Variants in RFTN1 observed in about 807,000 individuals in gnomAD.
RFTN1 encodes raftlin.
A neutral mutation model predicts 46.5 loss-of-function variants in RFTN1; 26 were observed. The ratio of observed to expected loss-of-function variants is 0.56; its 90% confidence interval spans 0.41 to 0.78. The LOEUF is 0.78. Ranked by LOEUF, RFTN1 falls within the 30% of genes least tolerant of loss-of-function variation. RFTN1 has a pLI of 0.00. For missense variants in RFTN1, 693 were observed against 718.7 expected (o/e 0.96, Z 0.41); for synonymous variants, 261 against 284.2 (o/e 0.92, Z 0.82).
At chr3:16,347,229 G>A (rs2071784882) in intron 7 of RFTN1, among the ~76,000 whole-genome samples, 2 of 152,162 alleles carry the variant, frequency 1.3e-5, no homozygotes, top group South Asian at 2.1e-4. Context: ...CTTTTCACAT[G>A]CAAACATACT....
rs1244055833 is a variant in RFTN1, at chr3:16,457,859, T to G, written c.146-23822A>C. Among the ~76,000 whole-genome samples the G allele has an allele frequency of 6.6e-6, 1 of 152,006 alleles. No individual in the cohort carries two copies. Among genetic ancestry groups the G allele is most frequent in the Non-Finnish European group, 1.5e-5 (1 of 67,994 alleles). On this transcript the variant is annotated intron_variant, in intron 2 of 9. Transcript: ENST00000334133. This position sits in a 1 kb window ranked among gnomAD's most constrained non-coding sequence, Gnocchi z 4.2. ...AAGGGAGGTGAGTCCTTTTGAGAGG[T>G]GCTTAGGTCATGAGGGCTCAGCCCT... is the stretch of plus-strand genomic sequence containing the variant.
At position 16,342,140 on chromosome 3, in the gene RFTN1, T is replaced by G. The variant is rs1436216937; in HGVS notation, c.1147-15264A>C. 6.6e-6 allele frequency among the ~76,000 whole-genome samples: 1 copy of G among 152,174 alleles called. No individual in the cohort carries two copies. Among genetic ancestry groups the G allele is most frequent in the Non-Finnish European group, 1.5e-5 (1 of 68,028 alleles). ...TATACAACCATCACCACAATCTAAG[T>G]TTAGACCACTTTCATCACCCCCCAC... On this transcript the variant is annotated intron_variant, in intron 7 of 9. Coordinates refer to ENST00000334133, the MANE Select transcript of RFTN1 (RefSeq NM_015150.2). The surrounding 1 kb of genome is among the most constrained non-coding windows in gnomAD (Gnocchi z 4.0).
Position 16,426,613 on chromosome 3 carries a change from A to T in RFTN1, c.332+7238T>A, listed in dbSNP as rs1322129175. ...GAAAAAGAAGAGTGAAAAATAATGGACATCTATTCTTGTGGCAAATCACTG... is the reference window on the plus strand; with the variant it reads ...GAAAAAGAAGAGTGAAAAATAATGGTCATCTATTCTTGTGGCAAATCACTG... On this transcript the variant is annotated intron_variant, in intron 3 of 9. Transcript: ENST00000334133. This position sits in a 1 kb window ranked among gnomAD's most constrained non-coding sequence, Gnocchi z 5.9. Among the ~76,000 whole-genome samples the T allele has an allele frequency of 6.6e-6, 1 of 151,652 alleles. No homozygotes were observed. Among genetic ancestry groups the T allele is most frequent in the African/African-American group, 2.4e-5 (1 of 41,170 alleles).
intron 3 of RFTN1, among the ~76,000 whole-genome samples, chr3:16,416,717 G>A (rs1026760290): frequency 1.3e-5 from 2 of 152,134 alleles, no homozygotes; most frequent in Non-Finnish European, 2.9e-5. Context: ...TTATAAAGAT[G>A]AGTAATGTAG....
intron 1 of RFTN1, among the ~76,000 whole-genome samples, chr3:16,503,195 A>G (rs944790600): frequency 6.6e-6 from 1 of 152,144 alleles, no homozygotes; most frequent in Non-Finnish European, 1.5e-5. Context: ...TTCGCTAAAA[A>G]TAGCTCCCAC....
rs1048059410 is a variant in RFTN1 at position 16,351,786 on chromosome 3, T to C, written c.1146+6146A>G. ...ACAAGTTGTTTCTCAAAAAACTAAG[T>C]TGAATTCCTTGAATAGACTCAGCAA... On this transcript the variant is annotated intron_variant, in intron 7 of 9. Transcript: ENST00000334133. This position sits in a 1 kb window ranked among gnomAD's most constrained non-coding sequence, Gnocchi z 5.4. 1.3e-5 allele frequency among the ~76,000 whole-genome samples: 2 copies of C among 152,192 alleles called. No individual in the cohort carries two copies. Among genetic ancestry groups the C allele is most frequent in the Non-Finnish European group, 2.9e-5 (2 of 68,042 alleles).
At chr3:16,406,122 TAAAA>T (rs1687946992) in intron 4 of RFTN1, among the ~76,000 whole-genome samples, 1 of 152,186 alleles carries the variant, frequency 6.6e-6, no homozygotes, top group African/African-American at 2.4e-5. Context: ...TTTACACATG[TAAAA>T]TTCAGCCATC....
At chr3:16,493,132 G>C (rs1575369074) in intron 2 of RFTN1, among the ~76,000 whole-genome samples, 1 of 152,196 alleles carries the variant, frequency 6.6e-6, no homozygotes, top group Non-Finnish European at 1.5e-5. Context: ...AGCTTGCTAT[G>C]AAACAGTCTG....
At position 16,443,639 on chromosome 3, in the gene RFTN1, A is replaced by G. The variant is rs903725845; in HGVS notation, c.146-9602T>C. Among the ~76,000 whole-genome samples the G allele has an allele frequency of 6.6e-6, 1 of 152,134 alleles. No individual in the cohort carries two copies. The highest frequency in any genetic ancestry group is 1.5e-5 in the Non-Finnish European group (1 of 68,038). On this transcript the variant is annotated intron_variant, in intron 2 of 9. Coordinates refer to ENST00000334133, the MANE Select transcript of RFTN1 (RefSeq NM_015150.2). This position sits in a 1 kb window ranked among gnomAD's most constrained non-coding sequence, Gnocchi z 5.5. ...TTAAGTTGCCGGCCGCCGGACCACA[A>G]ATGACTGTTAAAGCATCAGGCTGTC...
In RFTN1 at chr3:16,336,450, A is replaced by T. The variant is rs1251540054; in HGVS notation, c.1147-9574T>A. 6.6e-6 allele frequency among the ~76,000 whole-genome samples: 1 copy of T among 152,232 alleles called. No homozygotes were observed. The highest frequency in any genetic ancestry group is 1.5e-5 in the Non-Finnish European group (1 of 68,034). On this transcript the variant is annotated intron_variant, in intron 7 of 9. Coordinates refer to ENST00000334133, the MANE Select transcript of RFTN1 (RefSeq NM_015150.2). This position sits in a 1 kb window ranked among gnomAD's most constrained non-coding sequence, Gnocchi z 6.0. ...CAGCAAAGCCCTCTGCAGCCAGCACAGCTGGCCTTCCTCACCCTCAGCCTC... is the reference window on the plus strand; with the variant it reads ...CAGCAAAGCCCTCTGCAGCCAGCACTGCTGGCCTTCCTCACCCTCAGCCTC...
At position 16,512,867 on chromosome 3, in the gene RFTN1, AGCGC is replaced by A. The variant is rs1693722394; in HGVS notation, c.-9+571_-9+574del. ...TCTGGTGGTTCCGGCGCTTCCTCGG[AGCGC>A]GCGGCATGTCTGCTCCTACACGTCC... On this transcript the variant is annotated intron_variant, in intron 1 of 9. Coordinates refer to ENST00000334133, the MANE Select transcript of RFTN1 (RefSeq NM_015150.2). The surrounding 1 kb of genome is among the most constrained non-coding windows in gnomAD (Gnocchi z 4.3). The A allele has an allele frequency of 6.6e-6, 1 of 152,064 alleles. No homozygotes were observed. Among genetic ancestry groups the A allele is most frequent in the African/African-American group, 2.4e-5 (1 of 41,350 alleles). 9.4% of individuals were successfully genotyped at this position (152,064 alleles called of 1,614,324 possible).
At chr3:16,368,775 A>G (rs2073360719) in intron 6 of RFTN1, among the ~76,000 whole-genome samples, 2 of 152,246 alleles carry the variant, frequency 1.3e-5, no homozygotes. Flanking sequence ...TTTAAACTTA[A>G]TGAAAGTTAA....
At chr3:16,396,051 G>C (rs2074460234) in intron 4 of RFTN1, among the ~76,000 whole-genome samples, 1 of 152,062 alleles carries the variant, frequency 6.6e-6, no homozygotes, top group African/African-American at 2.4e-5. Context: ...ATGACTATTA[G>C]ATTTAAAATA....
Position 16,407,339 on chromosome 3 carries a change from T to C in RFTN1, c.441+2036A>G, listed in dbSNP as rs1278672884. Reference sequence around the variant, plus strand: ...CTAGGACTATAGTCAAGCACCACCATGCTCGGCTTTTTAAAGAGACTTTTT... The same window carrying C: ...CTAGGACTATAGTCAAGCACCACCACGCTCGGCTTTTTAAAGAGACTTTTT... On this transcript the variant is annotated intron_variant, in intron 4 of 9. Coordinates refer to ENST00000334133, the MANE Select transcript of RFTN1 (RefSeq NM_015150.2). This position sits in a 1 kb window ranked among gnomAD's most constrained non-coding sequence, Gnocchi z 4.0. 6.6e-6 allele frequency among the ~76,000 whole-genome samples: 1 copy of C among 151,770 alleles called. No individual in the cohort carries two copies. Among genetic ancestry groups the C allele is most frequent in the East Asian group, 1.9e-4 (1 of 5,184 alleles).
chr3:16,394,235 G>T lies in RFTN1; in HGVS notation c.441+15140C>A, dbSNP rs116444730. On this transcript the variant is annotated intron_variant, in intron 4 of 9. Coordinates refer to ENST00000334133, the MANE Select transcript of RFTN1 (RefSeq NM_015150.2). ...AAAAAAATCTTAAAAAAATTAGCTG[G>T]GTGTGGTGGTGCACACCCGTAATCC... 2.9e-3 allele frequency among the ~76,000 whole-genome samples: 437 copies of T among 152,098 alleles called. 3 individuals are homozygous for T. The highest frequency in any genetic ancestry group is 0.01 in the African/African-American group (423 of 41,480).
At chr3:16,476,183 G>C (rs1430908787) in intron 2 of RFTN1, among the ~76,000 whole-genome samples, 2 of 152,248 alleles carry the variant, frequency 1.3e-5, no homozygotes, top group Non-Finnish European at 2.9e-5. Flanking sequence ...GGTTCTGCCA[G>C]TAGGGGCTCA....
rs2068528145 is a variant in RFTN1, at chr3:16,317,443, G to A, written c.1333-211C>T. On this transcript the variant is annotated intron_variant, in intron 9 of 9. Coordinates refer to ENST00000334133, the MANE Select transcript of RFTN1 (RefSeq NM_015150.2). The surrounding 1 kb of genome is among the most constrained non-coding windows in gnomAD (Gnocchi z 4.3). ...GCCTGCACCACACCTTCCAGGATGTGTATTTTAGATGTAGATTTCAGGTTC... is the reference window on the plus strand; with the variant it reads ...GCCTGCACCACACCTTCCAGGATGTATATTTTAGATGTAGATTTCAGGTTC... Among the ~76,000 whole-genome samples the A allele has an allele frequency of 6.6e-6, 1 of 152,032 alleles. No individual in the cohort carries two copies. Among genetic ancestry groups the A allele is most frequent in the Admixed American group, 6.5e-5 (1 of 15,272 alleles).
rs2075813684 is a variant in RFTN1 at position 16,450,987 on chromosome 3, T to G, written c.146-16950A>C. 6.6e-6 allele frequency among the ~76,000 whole-genome samples: 1 copy of G among 152,090 alleles called. No homozygotes were observed. Among genetic ancestry groups the G allele is most frequent in the Non-Finnish European group, 1.5e-5 (1 of 68,020 alleles). ...CATTAGTCAGGCCATTAATATAGGATCTTCAGCTCAAACGGAGAACTCTGG... is the reference window on the plus strand; with the variant it reads ...CATTAGTCAGGCCATTAATATAGGAGCTTCAGCTCAAACGGAGAACTCTGG... On this transcript the variant is annotated intron_variant, in intron 2 of 9. Coordinates refer to ENST00000334133, the MANE Select transcript of RFTN1 (RefSeq NM_015150.2). This position sits in a 1 kb window ranked among gnomAD's most constrained non-coding sequence, Gnocchi z 4.6.
rs907987596 is a variant in RFTN1, at chr3:16,442,630, C to T, written c.146-8593G>A. On this transcript the variant is annotated intron_variant, in intron 2 of 9. Coordinates refer to ENST00000334133, the MANE Select transcript of RFTN1 (RefSeq NM_015150.2). This position sits in a 1 kb window ranked among gnomAD's most constrained non-coding sequence, Gnocchi z 4.1. Reference sequence around the variant, plus strand: ...CTATTCCCTGAGCAGATCTCCAGTACGCGATGTTATTAGCTATAGTCCCCA... The same window carrying T: ...CTATTCCCTGAGCAGATCTCCAGTATGCGATGTTATTAGCTATAGTCCCCA... 6.6e-6 allele frequency among the ~76,000 whole-genome samples: 1 copy of T among 152,170 alleles called. No individual in the cohort carries two copies. The highest frequency in any genetic ancestry group is 2.1e-4 in the South Asian group (1 of 4,822).
Sources: gnomAD v4.1 joint callset for allele counts (sites outside exome capture counted in the v4.1 genomes callset) on GRCh38, gnomAD v4.1.1 for gene constraint, Gnocchi (gnomAD v3.1) non-coding constraint, MANE v1.5 for transcripts, NCBI Gene and HGNC (gene_info 2026-07-23, HGNC 2026-07-21) for gene names.